The following RPS6KB1 variants were observed in gnomAD, a reference collection of about 807,000 sequenced individuals.
The protein encoded by RPS6KB1 is ribosomal protein S6 kinase B1.
RPS6KB1 carries 12 observed loss-of-function variants against 70.2 expected under a neutral mutation model. The ratio of observed to expected loss-of-function variants is 0.17; its 90% confidence interval spans 0.11 to 0.28. The LOEUF is 0.28. Among genes scored for constraint, RPS6KB1 ranks in the 10% least tolerant of loss-of-function variants. The pLI is 1.00. For synonymous variants in RPS6KB1, 175 were observed against 211.2 expected (o/e 0.83, Z 1.49); for missense variants, 270 against 646.6 (o/e 0.42, Z 6.32).
Position 59,946,035 on chromosome 17 carries a change from G to A in RPS6KB1, c.1341-516G>A, listed in dbSNP as rs1198105034. Among the ~76,000 whole-genome samples the A allele has an allele frequency of 1.3e-5, 2 of 152,182 alleles. No homozygotes were observed. The highest frequency in any genetic ancestry group is 2.9e-5 in the Non-Finnish European group (2 of 68,036). On this transcript the variant is annotated intron_variant, in intron 14 of 14. Transcript: ENST00000225577. The surrounding 1 kb of genome is among the most constrained non-coding windows in gnomAD (Gnocchi z 4.2). Reference sequence around the variant, plus strand: ...GTGATCAGAGAAAGGCCTCCCTGGTGTAGTAACATCTAGCAGTGAACGGAA... The same window carrying A: ...GTGATCAGAGAAAGGCCTCCCTGGTATAGTAACATCTAGCAGTGAACGGAA...
At chr17:59,924,472 A>G (rs543423849) in intron 4 of RPS6KB1, among the ~76,000 whole-genome samples, 27 of 151,652 alleles carry the variant, frequency 1.8e-4, no homozygotes, top group Non-Finnish European at 3.5e-4. Flanking sequence ...ATTTTATTTT[A>G]TTTTTGGAAC....
intron 13 of RPS6KB1, among the ~76,000 whole-genome samples, chr17:59,942,435 A>G (rs1376389715): frequency 1.3e-5 from 2 of 152,194 alleles, no homozygotes; most frequent in African/African-American, 2.4e-5. Context: ...AATGCATACT[A>G]TTTTGCTCAA....
At position 59,948,910 on chromosome 17, in the gene RPS6KB1, A is replaced by T. The variant is rs893437456; in HGVS notation, c.*2122A>T. The stretch of plus-strand genomic sequence containing the variant: ...TGATACTCTTGATACTTGTTTTCAA[A>T]TATGTTTACTAACTGTAGTGTTGAC... On this transcript the variant is annotated 3_prime_UTR_variant, in exon 15 of 15. Transcript: ENST00000225577. 6.6e-6 allele frequency: 1 copy of T among 152,632 alleles called. No individual in the cohort carries two copies. Among genetic ancestry groups the T allele is most frequent in the African/African-American group, 2.4e-5 (1 of 41,464 alleles). 9.5% of individuals were successfully genotyped at this position (152,632 alleles called of 1,614,324 possible). A position where few individuals can be genotyped will look rare whatever the true frequency, so the allele number is the denominator to read the frequency against.
intron 1 of RPS6KB1, among the ~76,000 whole-genome samples, chr17:59,897,546 C>T (rs1446381783): frequency 6.6e-6 from 1 of 151,888 alleles, no homozygotes; most frequent in African/African-American, 2.4e-5. Flanking sequence ...TTTCAAGGTA[C>T]GTTACAGAGT....
At chr17:59,900,230 A>ACACACACACACACAC (rs1355022894) in intron 1 of RPS6KB1, among the ~76,000 whole-genome samples, 1 of 136,736 alleles carries the variant, frequency 7.3e-6, no homozygotes, top group Non-Finnish European at 1.6e-5. Context: ...ACACACACAC[A>ACACACACACACACAC]CCCCTATGTG....
At chr17:59,902,530 T>C (rs972728700) in intron 1 of RPS6KB1, among the ~76,000 whole-genome samples, 1 of 152,152 alleles carries the variant, frequency 6.6e-6, no homozygotes, top group Non-Finnish European at 1.5e-5. Flanking sequence ...TCATTTGAGT[T>C]ATTCATTCAG....
intron 4 of RPS6KB1, among the ~76,000 whole-genome samples, chr17:59,924,555 GA>G (rs1167685248): frequency 4.6e-5 from 7 of 151,812 alleles, no homozygotes; most frequent in South Asian, 4.1e-4. Context: ...ATTTAGGGAA[GA>G]AAAAAATGGA....
In RPS6KB1 at chr17:59,936,272, G is replaced by A. The variant is rs754312922; in HGVS notation, c.1036G>A (p.Val346Ile). ...AGCTGGTCCTGGGGACGCTGGAGAA[G>A]TTCAAGTAGGGATTGGCATCTTTGG... ...LGAGPGDAGE[V>I]QAHPFFRHIN... The change falls in exon 11 of 15, where the codon GTT becomes ATT. Residue 346 changes from valine to isoleucine, a missense_variant. Physicochemically the swap from Val to Ile is conservative, Grantham distance 29 (BLOSUM62 3). Coordinates refer to ENST00000225577, the MANE Select transcript of RPS6KB1 (RefSeq NM_003161.4). The A allele has an allele frequency of 3.8e-6, 6 of 1,594,344 alleles. No homozygotes were observed. Among genetic ancestry groups the A allele is most frequent in the South Asian group, 2.3e-5 (2 of 86,554 alleles).
intron 4 of RPS6KB1, among the ~76,000 whole-genome samples, chr17:59,920,642 G>A (rs1289034093): frequency 6.6e-6 from 1 of 152,200 alleles, no homozygotes; most frequent in Non-Finnish European, 1.5e-5. Flanking sequence ...GTTAGGTATA[G>A]AATTGAAGGC....
chr17:59,906,428 G>A lies in RPS6KB1; in HGVS notation c.142-4134G>A, dbSNP rs766638572. On this transcript the variant is annotated intron_variant, in intron 1 of 14. Transcript: ENST00000225577. The stretch of plus-strand genomic sequence containing the variant: ...CCCAGGCTGGAGTGTGCAGTGGCGC[G>A]ATCTCGGCTCACTGCAACCTCTGCC... Among the ~76,000 whole-genome samples the A allele has an allele frequency of 5.3e-5, 8 of 151,926 alleles. No homozygotes were observed. In the South Asian group the frequency reaches 6.2e-4, roughly 12 times the overall value.
At chr17:59,945,688 A>G (rs898296192) in intron 14 of RPS6KB1, among the ~76,000 whole-genome samples, 170 bp downstream of exon 14, 3 of 152,218 alleles carry the variant, frequency 2.0e-5, no homozygotes, top group Admixed American at 6.5e-5. Context: ...TGACTAATCT[A>G]TGATGTTATA....
chr17:59,936,154 A>T, intron 10 of RPS6KB1, 61 bp from the exon 11 acceptor site: 1 of 1,471,340 alleles, frequency 6.8e-7, no homozygotes, highest in Non-Finnish European at 9.3e-7. Context: ...CAGTCTAAAA[A>T]GGAAAAAAAA....
At chr17:59,908,397 C>T (rs1227339134) in intron 1 of RPS6KB1, among the ~76,000 whole-genome samples, 1 of 151,586 alleles carries the variant, frequency 6.6e-6, no homozygotes, top group African/African-American at 2.4e-5. Flanking sequence ...GACGGGGTTT[C>T]ACCATGTTGG....
intron 4 of RPS6KB1, among the ~76,000 whole-genome samples, chr17:59,922,334 C>G (rs1397560570): frequency 6.6e-6 from 1 of 152,002 alleles, no homozygotes; most frequent in Non-Finnish European, 1.5e-5. Flanking sequence ...AGCCTCCGTT[C>G]CCGGCCTCTT....
chr17:59,911,264 A>G (rs1043559054), intron 2 of RPS6KB1, among the ~76,000 whole-genome samples: 1 of 152,226 alleles, frequency 6.6e-6, no homozygotes, highest in East Asian at 1.9e-4. Flanking sequence ...TTGTACTCTC[A>G]AGTAAAAAGC....
chr17:59,920,030 T>A (rs76846573), intron 4 of RPS6KB1, among the ~76,000 whole-genome samples: 6,390 of 152,236 alleles, frequency 0.042, 471 homozygotes, highest in African/African-American at 0.15. Flanking sequence ...GTTTTACTGA[T>A]GGATTATGTG....
chr17:59,938,024 A>G (rs1250715687), intron 12 of RPS6KB1, among the ~76,000 whole-genome samples: 1 of 152,176 alleles, frequency 6.6e-6, no homozygotes, highest in African/African-American at 2.4e-5. Flanking sequence ...AACAATTGTA[A>G]GGAAGTTAAC....
At chr17:59,897,340 G>T (rs1038743801) in intron 1 of RPS6KB1, among the ~76,000 whole-genome samples, 1 of 152,162 alleles carries the variant, frequency 6.6e-6, no homozygotes, top group Admixed American at 6.5e-5. Flanking sequence ...ATATCCTGGC[G>T]TATTAAGCAA....
At position 59,922,551 on chromosome 17, in the gene RPS6KB1, C is replaced by CTTTTTTT. The variant is rs71145590; in HGVS notation, c.382-3865_382-3859dup. Among the ~76,000 whole-genome samples the CTTTTTTT allele has an allele frequency of 3.4e-4, 27 of 80,408 alleles. 1 individual carries two copies. The highest frequency in any genetic ancestry group is 5.2e-4 in the Admixed American group (3 of 5,824). 52.8% of individuals were successfully genotyped at this position (80,408 alleles called of 152,430 possible). ...AGTCTGTAAAGATTTTTTTATACTC[C>CTTTTTTT]TTTTTTTTTTTTTTTTTTTTTTTTT... On this transcript the variant is annotated intron_variant, in intron 4 of 14. Transcript: ENST00000225577.
Sources: allele counts gnomAD v4.1 joint callset (sites outside exome capture counted in the v4.1 genomes callset), GRCh38; gene constraint gnomAD v4.1.1; non-coding constraint Gnocchi (gnomAD v3.1); transcripts MANE v1.5; gene names NCBI Gene and HGNC (gene_info 2026-07-23, HGNC 2026-07-21).